Variants in ZNF536 observed in about 807,000 individuals in gnomAD.
ZNF536 encodes the protein zinc finger protein 536.
In ZNF536, 13 loss-of-function variants were observed where a neutral mutation model predicts 84.5. That is an observed-to-expected ratio of 0.15 (90% CI 0.10 to 0.24). The LOEUF is 0.24. Among genes scored for constraint, ZNF536 ranks in the 10% least tolerant of loss-of-function variants. The pLI is 1.00. For synonymous variants in ZNF536, 811 were observed against 742.5 expected, an observed-to-expected ratio of 1.09 and a Z score of -1.50; for missense variants, 1,536 against 1,747.5, an observed-to-expected ratio of 0.88 and a Z score of 2.16.
At chr19:30,565,719 A>T (rs866467796) in intron 1 of ZNF536, among the ~76,000 whole-genome samples, 1 of 152,022 alleles carries the variant, frequency 6.6e-6, no homozygotes, top group Non-Finnish European at 1.5e-5. Context: ...GTCATCTCCA[A>T]TGCCTGCTGT....
intron 4 of ZNF536, chr19:30,556,817 T>C (rs894141748): frequency 3.8e-5 from 7 of 184,314 alleles, no homozygotes; most frequent in African/African-American, 1.5e-4. Context: ...TCAGACTGCA[T>C]GAATCCTACT....
chr19:30,633,768 C>T (rs2048971274), intron 1 of ZNF536, among the ~76,000 whole-genome samples: 1 of 151,814 alleles, frequency 6.6e-6, no homozygotes, highest in Non-Finnish European at 1.5e-5. Context: ...GAGATGGGGT[C>T]TCACTATGTT....
chr19:30,671,579 C>T (rs2050553189), intron 1 of ZNF536, among the ~76,000 whole-genome samples: 2 of 152,054 alleles, frequency 1.3e-5, no homozygotes, highest in Admixed American at 1.3e-4. Context: ...GGTGGAGGCC[C>T]CAGGTGCTGA....
intron 1 of ZNF536, among the ~76,000 whole-genome samples, chr19:30,633,208 C>T (rs1431929321): frequency 6.6e-6 from 1 of 152,154 alleles, no homozygotes; most frequent in African/African-American, 2.4e-5. Context: ...CAGATGGAAT[C>T]TAGCTGTCAA....
At chr19:30,667,006 T>G (rs892818395) in intron 1 of ZNF536, among the ~76,000 whole-genome samples, 1 of 152,152 alleles carries the variant, frequency 6.6e-6, no homozygotes, top group Admixed American at 6.5e-5. Context: ...GAGTATCGCC[T>G]GACCCTTGGG....
chr19:30,637,137 T>C lies in ZNF536; in HGVS notation c.170-73620T>C, dbSNP rs190300892. Among the ~76,000 whole-genome samples the C allele has an allele frequency of 5.9e-5, 9 of 152,324 alleles. No individual in the cohort carries two copies. In the East Asian group the frequency reaches 9.7e-4, roughly 16 times the overall value. ...CTCTTGGGCAAAGTCCTTGACAGCA[T>C]TTTTATGCAGAGGGTCCTTCCATAC... On this transcript the variant is annotated intron_variant, in intron 1 of 1. Coordinates refer to the ZNF536 transcript ENST00000592773.
At chr19:30,619,870 G>C (rs1187704705) in intron 1 of ZNF536, among the ~76,000 whole-genome samples, 9 of 152,186 alleles carry the variant, frequency 5.9e-5, no homozygotes, top group Admixed American at 5.9e-4. Flanking sequence ...GAAGCCAATA[G>C]GTGCCAGGCA....
intron 1 of ZNF536, among the ~76,000 whole-genome samples, chr19:30,581,845 A>G (rs1241874033): frequency 6.6e-6 from 1 of 152,058 alleles, no homozygotes; most frequent in African/African-American, 2.4e-5. Context: ...GAGGCAGGAG[A>G]ATTGCTTGAA....
At chr19:30,492,215 C>T (rs2054538180) in intron 2 of ZNF536, among the ~76,000 whole-genome samples, 1 of 152,164 alleles carries the variant, frequency 6.6e-6, no homozygotes, top group South Asian at 2.1e-4. Flanking sequence ...ATGTGTGTTT[C>T]CCATAATGAA....
intron 2 of ZNF536, among the ~76,000 whole-genome samples, chr19:30,520,203 C>T (rs1214681715): frequency 2.0e-5 from 3 of 152,160 alleles, no homozygotes; most frequent in Non-Finnish European, 4.4e-5. Context: ...TGAGAGGAAA[C>T]ATTTCTTAGA....
chr19:30,386,927 G>T (rs777995433), intron 1 of ZNF536, among the ~76,000 whole-genome samples: 9 of 152,228 alleles, frequency 5.9e-5, no homozygotes, highest in Non-Finnish European at 1.2e-4. Context: ...GCAGGGGACT[G>T]CTTCCGAGGG....
rs750119729 is a variant in ZNF536 at position 30,575,800 on chromosome 19, G to A, written c.169+26286G>A. 5.3e-4 allele frequency among the ~76,000 whole-genome samples: 80 copies of A among 152,328 alleles called. 1 individual carries two copies. The Middle Eastern group carries it at 0.01, about 19-fold the overall frequency. On this transcript the variant is annotated intron_variant, in intron 1 of 1. Coordinates refer to the ZNF536 transcript ENST00000592773. ...CCAGGGATTTGAAGGAAGCCAGTGC[G>A]TTCCTCGGAGGATGTGGGGCGCACA...
Position 30,628,554 on chromosome 19 carries a change from G to A in ZNF536, c.169+79040G>A, listed in dbSNP as rs988268697. On this transcript the variant is annotated intron_variant, in intron 1 of 1. Transcript: ENST00000592773. ...CGCCATTCTCCTGCCTCAGCATCAC[G>A]AGTAGCTGGGACTACAGGTACCCGC... 6.7e-5 allele frequency among the ~76,000 whole-genome samples: 10 copies of A among 149,246 alleles called. 1 individual carries two copies. The highest frequency in any genetic ancestry group is 1.5e-4 in the African/African-American group (6 of 40,324).
intron 1 of ZNF536, among the ~76,000 whole-genome samples, chr19:30,620,030 T>A (rs2048425810): frequency 7.5e-4 from 1 of 1,336 alleles, no homozygotes; most frequent in South Asian, 0.5. Context: ...TCCTCTATGC[T>A]TTTTTTTTTT....
intron 2 of ZNF536, among the ~76,000 whole-genome samples, chr19:30,521,225 A>G (rs2044308230): frequency 2.0e-5 from 3 of 152,266 alleles, no homozygotes; most frequent in Admixed American, 6.5e-5. Flanking sequence ...TTCAGGCAGC[A>G]TTAAAAGTGG....
intron 1 of ZNF536, among the ~76,000 whole-genome samples, chr19:30,614,489 G>T (rs1055485854): frequency 6.6e-6 from 1 of 151,532 alleles, no homozygotes; most frequent in Non-Finnish European, 1.5e-5. Flanking sequence ...AGAGAAAGTA[G>T]GTTTCTGTAG....
At chr19:30,545,580 G>A (rs991140092) in intron 3 of ZNF536, among the ~76,000 whole-genome samples, 3 of 151,750 alleles carry the variant, frequency 2.0e-5, no homozygotes, top group African/African-American at 7.3e-5. Context: ...TGTATTTTTA[G>A]TAGAGACGGG....
At chr19:30,516,880 A>T (rs910622965) in intron 2 of ZNF536, among the ~76,000 whole-genome samples, 1 of 151,972 alleles carries the variant, frequency 6.6e-6, no homozygotes, top group Non-Finnish European at 1.5e-5. Context: ...GGCAGGGAGG[A>T]GAAGGTCGGG....
At chr19:30,599,430 TC>T (rs1473489167) in intron 1 of ZNF536, among the ~76,000 whole-genome samples, 2 of 21,334 alleles carry the variant, frequency 9.4e-5, no homozygotes, top group African/African-American at 4.2e-4. Context: ...CCCCCGTCCC[TC>T]CCTTCCCCCT....
Sources: allele counts gnomAD v4.1 joint callset (sites outside exome capture counted in the v4.1 genomes callset), GRCh38; gene constraint gnomAD v4.1.1; transcripts MANE v1.5; gene names NCBI Gene and HGNC (gene_info 2026-07-23, HGNC 2026-07-21).